Variants in GALNT13 observed in about 807,000 individuals in gnomAD.
GALNT13 encodes the protein polypeptide N-acetylgalactosaminyltransferase 13, also known as UDP-GalNAc:polypeptide N-acetylgalactosaminyltransferase 13.
In GALNT13, 28 loss-of-function variants were observed where a neutral mutation model predicts 64.2. The observed-to-expected ratio is 0.44, with a 90% CI of 0.32 to 0.60. GALNT13 has a LOEUF of 0.60. Among genes scored for constraint, GALNT13 ranks in the 20% least tolerant of loss-of-function variants. The pLI, the probability that GALNT13 is intolerant of heterozygous loss-of-function variation, is 0.05. For missense variants in GALNT13, 577 were observed against 669.8 expected (o/e 0.86, Z 1.53); for synonymous variants, 214 against 224.6 (o/e 0.95, Z 0.42).
At chr2:153,270,095 CA>C in the GALNT13 span, among the ~76,000 whole-genome samples, 2 of 152,180 alleles carry the variant, frequency 1.3e-5, no homozygotes, top group South Asian at 2.1e-4. Context: ...AAGATGGTTT[CA>C]AAAGATCCAT....
At chr2:154,219,699 G>T (rs1325354348) in intron 4 of GALNT13, among the ~76,000 whole-genome samples, 1 of 151,950 alleles carries the variant, frequency 6.6e-6, no homozygotes, top group Non-Finnish European at 1.5e-5. Flanking sequence ...GTACTTTTTG[G>T]GAATGGAACT....
chr2:153,770,401 G>T, the GALNT13 span, among the ~76,000 whole-genome samples: 2 of 152,234 alleles, frequency 1.3e-5, no homozygotes, highest in East Asian at 3.9e-4. Context: ...CTAAATTCTG[G>T]TTGTAGTAGT....
the GALNT13 span, among the ~76,000 whole-genome samples, chr2:153,136,848 C>CCACACACACACACACACA: frequency 0.077 from 11,392 of 148,300 alleles, 568 homozygotes; most frequent in Middle Eastern, 0.15. Flanking sequence ...GGTGTTTGCA[C>CCACACACACACACACACA]CACACACACA....
At chr2:153,322,759 T>G in the GALNT13 span, among the ~76,000 whole-genome samples, 1 of 152,210 alleles carries the variant, frequency 6.6e-6, no homozygotes, top group Non-Finnish European at 1.5e-5. Flanking sequence ...GTGTTTGGTT[T>G]TCTGTTCCTA....
In GALNT13 at chr2:154,016,124, C is replaced by T. The variant is rs75976062; in HGVS notation, c.142+71485C>T. On this transcript the variant is annotated intron_variant, in intron 3 of 12. Transcript: ENST00000392825. ...GCAAGCAATATTTTAGAAACATGAC[C>T]CCTTGATTGATAATGGAGCGAAGCA... Among the ~76,000 whole-genome samples the T allele has an allele frequency of 6.6e-5, 10 of 152,150 alleles. No individual in the cohort carries two copies. The East Asian group carries it at 1.9e-3, about 29-fold the overall frequency.
the GALNT13 span, among the ~76,000 whole-genome samples, chr2:153,626,296 A>C: frequency 2.0e-5 from 3 of 152,258 alleles, no homozygotes; most frequent in East Asian, 5.8e-4. Flanking sequence ...AAATAGCAAC[A>C]CAAAAGTGTT....
the GALNT13 span, among the ~76,000 whole-genome samples, chr2:153,699,006 C>A: frequency 6.6e-6 from 1 of 152,146 alleles, no homozygotes; most frequent in Non-Finnish European, 1.5e-5. Context: ...AGGCGGATCA[C>A]GAGGTCAAGA....
At chr2:153,235,594 T>A in the GALNT13 span, among the ~76,000 whole-genome samples, 1 of 152,130 alleles carries the variant, frequency 6.6e-6, no homozygotes, top group African/African-American at 2.4e-5. Flanking sequence ...ATAGTGAGCA[T>A]AGGTCAGCCC....
At chr2:154,189,978 T>A (rs550207086) in intron 4 of GALNT13, among the ~76,000 whole-genome samples, 1 of 152,258 alleles carries the variant, frequency 6.6e-6, no homozygotes, top group South Asian at 2.1e-4. Flanking sequence ...TATAAAAACC[T>A]GAATTTAAAA....
the GALNT13 span, among the ~76,000 whole-genome samples, chr2:153,269,641 C>A: frequency 1.3e-5 from 2 of 152,064 alleles, no homozygotes; most frequent in African/African-American, 4.8e-5. Flanking sequence ...CCTACTCTGC[C>A]GGTACCAATT....
At chr2:154,045,225 C>CTGCTTAAGGATGAATAAT (rs1331663347) in intron 3 of GALNT13, among the ~76,000 whole-genome samples, 2 of 152,136 alleles carry the variant, frequency 1.3e-5, no homozygotes, top group African/African-American at 4.8e-5. Flanking sequence ...AATGAATGAA[C>CTGCTTAAGGATGAATAAT]TGCTTAAGGA....
At chr2:153,098,735 T>C in the GALNT13 span, among the ~76,000 whole-genome samples, 1 of 152,204 alleles carries the variant, frequency 6.6e-6, no homozygotes, top group Non-Finnish European at 1.5e-5. Context: ...ATTTTAAATA[T>C]CCTGAACATG....
intron 3 of GALNT13, among the ~76,000 whole-genome samples, chr2:154,001,742 CT>C (rs1456544282): frequency 4.6e-5 from 7 of 151,960 alleles, no homozygotes; most frequent in Admixed American, 4.6e-4. Flanking sequence ...AATTTGTATG[CT>C]TTTACCACAG....
At chr2:153,478,815 G>T in the GALNT13 span, 26 of 450,732 alleles carry the variant, frequency 5.8e-5, no homozygotes, top group East Asian at 1.1e-4. Context: ...TCGCTCGAGG[G>T]GGGGCTGTTG....
intron 3 of GALNT13, among the ~76,000 whole-genome samples, chr2:154,065,077 T>G (rs1340784743): frequency 4.6e-5 from 7 of 152,094 alleles, no homozygotes; most frequent in Non-Finnish European, 1.0e-4. Context: ...CAGTGAACAT[T>G]GCTGGTAGCC....
chr2:154,060,936 G>A (rs565937626), intron 3 of GALNT13, among the ~76,000 whole-genome samples: 8 of 152,116 alleles, frequency 5.3e-5, no homozygotes, highest in East Asian at 1.9e-4. Flanking sequence ...TCTAGCCGAC[G>A]TGAAATTATT....
chr2:153,917,128 ATT>A (rs398104869), intron 2 of GALNT13, among the ~76,000 whole-genome samples: 2 of 148,888 alleles, frequency 1.3e-5, no homozygotes, highest in Non-Finnish European at 3.0e-5. Flanking sequence ...AATTCTGTGC[ATT>A]TTTTTTTTGC....
the GALNT13 span, among the ~76,000 whole-genome samples, chr2:153,784,591 G>T: frequency 6.6e-6 from 1 of 152,218 alleles, no homozygotes; most frequent in African/African-American, 2.4e-5. Context: ...AGGCAGAGCA[G>T]CCACTCAGGC....
At chr2:153,582,841 A>G in the GALNT13 span, among the ~76,000 whole-genome samples, 1 of 152,290 alleles carries the variant, frequency 6.6e-6, no homozygotes, top group East Asian at 1.9e-4. Flanking sequence ...TTTAAATGTT[A>G]TATTGTAACA....
Sources: gnomAD v4.1 joint callset for allele counts (sites outside exome capture counted in the v4.1 genomes callset) on GRCh38, gnomAD v4.1.1 for gene constraint, MANE v1.5 for transcripts, NCBI Gene and HGNC (gene_info 2026-07-23, HGNC 2026-07-21) for gene names.